SGCD: variants seen among roughly 807,000 people sequenced by gnomAD.
SGCD encodes sarcoglycan delta.
In SGCD, 18 loss-of-function variants were observed where a neutral mutation model predicts 36.6. The observed-to-expected ratio is 0.49, with a 90% CI of 0.34 to 0.73. SGCD has a LOEUF of 0.73. Among genes scored for constraint, SGCD ranks in the 30% least tolerant of loss-of-function variants. The probability of loss-of-function intolerance (pLI) is 0.01; values close to 1 mark genes in which losing one functional copy is unlikely to be tolerated. For synonymous variants in SGCD, 133 were observed against 130.6 expected (o/e 1.02, Z -0.12); for missense variants, 387 against 346.7 (o/e 1.12, Z -0.92).
intron 3 of SGCD, among the ~76,000 whole-genome samples, chr5:156,381,791 G>A (rs922445051): frequency 2.6e-5 from 4 of 152,058 alleles, no homozygotes; most frequent in Admixed American, 6.5e-5. Flanking sequence ...GGGACAGTCC[G>A]CTCAAAGCTG....
chr5:156,386,836 A>C (rs1386531548), intron 3 of SGCD, among the ~76,000 whole-genome samples: 1 of 152,250 alleles, frequency 6.6e-6, no homozygotes, highest in East Asian at 1.9e-4. Flanking sequence ...AGCTCATCCC[A>C]GTAGTCCAGA....
intron 3 of SGCD, among the ~76,000 whole-genome samples, chr5:156,422,722 T>C (rs1344612991): frequency 2.0e-5 from 3 of 152,046 alleles, no homozygotes; most frequent in Non-Finnish European, 4.4e-5. Context: ...GCACAGTAGG[T>C]GCTTATCAAC....
the SGCD span, among the ~76,000 whole-genome samples, chr5:155,782,031 T>A: frequency 6.7e-6 from 1 of 150,324 alleles, no homozygotes; most frequent in African/African-American, 2.4e-5. Context: ...CTTTTCTTTT[T>A]TTTTTTTTTT....
chr5:156,220,901 T>C (rs1764701179), intron 3 of SGCD, among the ~76,000 whole-genome samples: 2 of 152,122 alleles, frequency 1.3e-5, no homozygotes, highest in Non-Finnish European at 2.9e-5. Context: ...TCTCCCAATA[T>C]TGAAAATGGG....
In SGCD at chr5:156,168,721, A is replaced by G. The variant is rs573466946; in HGVS notation, c.-44+44702A>G. The stretch of plus-strand genomic sequence containing the variant: ...GAGCTTCACTCTCCCCATTCAACAG[A>G]TAAGAAAACCAGTCCTGGACTGATT... On this transcript the variant is annotated intron_variant, in intron 3 of 9. Coordinates refer to the SGCD transcript ENST00000517913. Among the ~76,000 whole-genome samples, 3 of 152,334 alleles carry G rather than the reference A, an allele frequency of 2.0e-5. No individual in the cohort carries two copies. The East Asian group carries it at 5.8e-4, about 29-fold the overall frequency.
intron 3 of SGCD, among the ~76,000 whole-genome samples, chr5:156,150,933 C>G (rs910031353): frequency 6.6e-6 from 1 of 151,570 alleles, no homozygotes; most frequent in African/African-American, 2.4e-5. Context: ...TTAAAAACAT[C>G]TGTACTTCAA....
intron 1 of SGCD, among the ~76,000 whole-genome samples, chr5:155,917,317 T>C (rs923565574): frequency 6.6e-6 from 1 of 152,114 alleles, no homozygotes; most frequent in Non-Finnish European, 1.5e-5. Context: ...GCCTCCTGTG[T>C]TAAACGAGGT....
chr5:156,253,290 C>T (rs933278119), intron 3 of SGCD, among the ~76,000 whole-genome samples: 4 of 152,254 alleles, frequency 2.6e-5, no homozygotes, highest in East Asian at 1.9e-4. Flanking sequence ...CATCTCTTTG[C>T]ATATCACGAG....
In SGCD at chr5:156,695,483, C is replaced by T. The variant is rs1054373327; in HGVS notation, c.575+47947C>T. The stretch of plus-strand genomic sequence containing the variant: ...CTCCTTAAAATAAATCAACCTCTCT[C>T]GATAGATAGATAGATAGATAGATAG... On this transcript the variant is annotated intron_variant, in intron 7 of 8. Coordinates refer to ENST00000337851, the MANE Select transcript of SGCD (RefSeq NM_000337.6). 5.1e-5 allele frequency among the ~76,000 whole-genome samples: 7 copies of T among 137,742 alleles called. No individual in the cohort carries two copies. The East Asian group carries it at 8.9e-4, about 17-fold the overall frequency. 90.4% of individuals were successfully genotyped at this position (137,742 alleles called of 152,430 possible).
intron 7 of SGCD, among the ~76,000 whole-genome samples, chr5:156,671,838 A>G (rs994453504): frequency 6.6e-6 from 1 of 152,202 alleles, no homozygotes; most frequent in African/African-American, 2.4e-5. Context: ...GTGAAGCCTC[A>G]GGAAGCTTTT....
At chr5:156,234,426 G>A (rs935290699) in intron 3 of SGCD, among the ~76,000 whole-genome samples, 3 of 152,078 alleles carry the variant, frequency 2.0e-5, no homozygotes, top group African/African-American at 7.2e-5. Flanking sequence ...TATAGTGGGA[G>A]CACAGATGAG....
At chr5:156,444,706 A>C (rs1267852385) in intron 3 of SGCD, among the ~76,000 whole-genome samples, 2 of 152,114 alleles carry the variant, frequency 1.3e-5, no homozygotes, top group Non-Finnish European at 2.9e-5. Flanking sequence ...TTCTTTAGAC[A>C]TTATGGTTAA....
At chr5:156,107,818 C>T (rs1315161292) in intron 1 of SGCD, among the ~76,000 whole-genome samples, 1 of 152,136 alleles carries the variant, frequency 6.6e-6, no homozygotes, top group Non-Finnish European at 1.5e-5. Context: ...AACAGCAATT[C>T]TCTTTTTCCA....
chr5:156,039,275 A>G lies in SGCD; in HGVS notation c.-281-78603A>G, dbSNP rs1158975409. Among the ~76,000 whole-genome samples the G allele has an allele frequency of 2.1e-5, 3 of 145,132 alleles. No individual in the cohort carries two copies. In the East Asian group the frequency reaches 5.8e-4, roughly 28 times the overall value. On this transcript the variant is annotated intron_variant, in intron 1 of 9. Transcript: ENST00000517913. The stretch of plus-strand genomic sequence containing the variant: ...TTTTTACCTTCTACAGCATACTATT[A>G]ATATATGCATTTCTAACTGACAATA...
chr5:156,417,113 A>G (rs1206742224), intron 3 of SGCD, among the ~76,000 whole-genome samples: 1 of 152,174 alleles, frequency 6.6e-6, no homozygotes. Context: ...AAAAAAATGT[A>G]TTTGAGAAAA....
At chr5:156,314,209 C>T (rs145179697) in intron 3 of SGCD, among the ~76,000 whole-genome samples, 13 of 151,926 alleles carry the variant, frequency 8.6e-5, no homozygotes, top group African/African-American at 2.2e-4. Context: ...TCCAGTTGAA[C>T]GTTAAGGATG....
At chr5:156,435,524 T>C (rs542993956) in intron 3 of SGCD, among the ~76,000 whole-genome samples, 2 of 152,314 alleles carry the variant, frequency 1.3e-5, no homozygotes, top group African/African-American at 2.4e-5. Context: ...GAATCATATA[T>C]GTGGAAGTGC....
the SGCD span, among the ~76,000 whole-genome samples, chr5:155,756,109 A>C: frequency 6.6e-6 from 1 of 152,236 alleles, no homozygotes; most frequent in Non-Finnish European, 1.5e-5. Flanking sequence ...TACCAGCTGC[A>C]TGACCTTGTG....
the SGCD span, among the ~76,000 whole-genome samples, chr5:155,834,065 C>T: frequency 2.0e-5 from 3 of 152,172 alleles, no homozygotes; most frequent in Non-Finnish European, 4.4e-5. Context: ...CTTTAAAGGC[C>T]GGCCCAAATG....
Sources: gnomAD v4.1 joint callset for allele counts (sites outside exome capture counted in the v4.1 genomes callset) on GRCh38, gnomAD v4.1.1 for gene constraint, MANE v1.5 for transcripts, NCBI Gene and HGNC (gene_info 2026-07-23, HGNC 2026-07-21) for gene names.